RABGAP1L: variants seen among roughly 807,000 people sequenced by gnomAD.
The protein encoded by RABGAP1L is rab GTPase-activating protein 1-like.
RABGAP1L carries 63 observed loss-of-function variants against 137.7 expected under a neutral mutation model. The observed-to-expected ratio is 0.46, with a 90% CI of 0.37 to 0.56. The LOEUF (loss-of-function observed/expected upper bound fraction) is 0.56. Ranked by LOEUF, RABGAP1L falls within the 20% of genes least tolerant of loss-of-function variation. The pLI, the probability that RABGAP1L is intolerant of heterozygous loss-of-function variation, is 0.00. For missense variants in RABGAP1L, 1,095 were observed against 1,244.0 expected (o/e 0.88, Z 1.80); for synonymous variants, 431 against 433.7 (o/e 0.99, Z 0.08).
chr1:174,634,466 G>GAT (rs1673753305), intron 13 of RABGAP1L, among the ~76,000 whole-genome samples: 1 of 135,478 alleles, frequency 7.4e-6, no homozygotes, highest in Non-Finnish European at 1.6e-5. Context: ...CATTGTGGAA[G>GAT]TCAGTGTGGC....
At chr1:174,194,490 T>A (rs1667430278) in intron 1 of RABGAP1L, among the ~76,000 whole-genome samples, 1 of 152,100 alleles carries the variant, frequency 6.6e-6, no homozygotes, top group Non-Finnish European at 1.5e-5. Context: ...CACCTCAGCC[T>A]CCCAAAGTGC....
chr1:174,531,338 T>C (rs924667663), intron 13 of RABGAP1L, among the ~76,000 whole-genome samples: 1 of 152,196 alleles, frequency 6.6e-6, no homozygotes, highest in African/African-American at 2.4e-5. Flanking sequence ...GTTTTGCTTA[T>C]TGTGTATTAT....
chr1:174,384,527 GAAAAA>G (rs35902523), intron 12 of RABGAP1L, among the ~76,000 whole-genome samples: 1 of 149,672 alleles, frequency 6.7e-6, no homozygotes, highest in Non-Finnish European at 1.5e-5. Context: ...GGAAAAAAAG[GAAAAA>G]AAAAAAGAAA....
At chr1:174,679,010 C>G (rs938872406) in intron 14 of RABGAP1L, among the ~76,000 whole-genome samples, 7 of 152,128 alleles carry the variant, frequency 4.6e-5, no homozygotes, top group African/African-American at 1.7e-4. Flanking sequence ...TGTGCAGTTG[C>G]AAGATTTAAG....
chr1:174,470,741 T>G (rs1657822284), intron 13 of RABGAP1L, among the ~76,000 whole-genome samples: 1 of 151,914 alleles, frequency 6.6e-6, no homozygotes, highest in Admixed American at 6.6e-5. Context: ...CACTCCAGCC[T>G]GGGTGGACAG....
chr1:174,472,612 G>A (rs1377148903), intron 13 of RABGAP1L, among the ~76,000 whole-genome samples: 3 of 152,192 alleles, frequency 2.0e-5, no homozygotes. Flanking sequence ...AGTTGCACAG[G>A]ATGAGCTTAA....
intron 13 of RABGAP1L, among the ~76,000 whole-genome samples, chr1:174,541,472 C>G (rs1187321552): frequency 1.3e-5 from 2 of 152,032 alleles, no homozygotes; most frequent in Non-Finnish European, 2.9e-5. Context: ...CCCATCAATA[C>G]CTAGTTTATT....
intron 13 of RABGAP1L, among the ~76,000 whole-genome samples, chr1:174,558,021 G>A (rs1666988184): frequency 6.6e-6 from 1 of 152,222 alleles, no homozygotes; most frequent in African/African-American, 2.4e-5. Context: ...TTACACTGCA[G>A]CCTTTTGCAG....
chr1:174,814,833 CAT>C (rs1264089404), intron 19 of RABGAP1L, among the ~76,000 whole-genome samples: 1 of 152,030 alleles, frequency 6.6e-6, no homozygotes, highest in African/African-American at 2.4e-5. Flanking sequence ...GGACTACAGT[CAT>C]GTGCCACCAC....
chr1:174,795,948 G>A (rs1688209556), intron 18 of RABGAP1L, among the ~76,000 whole-genome samples: 1 of 152,142 alleles, frequency 6.6e-6, no homozygotes, highest in South Asian at 2.1e-4. Context: ...CATACTACAT[G>A]TGTTAATAAA....
chr1:174,417,529 G>A (rs1398119618), intron 13 of RABGAP1L, among the ~76,000 whole-genome samples: 1 of 152,178 alleles, frequency 6.6e-6, no homozygotes, highest in Non-Finnish European at 1.5e-5. Context: ...GCATCTAATG[G>A]AAACAAGACA....
chr1:174,543,340 A>G (rs1398183242), intron 13 of RABGAP1L, among the ~76,000 whole-genome samples: 13 of 133,708 alleles, frequency 9.7e-5, no homozygotes, highest in Non-Finnish European at 1.7e-4. Context: ...TCCCTTCACC[A>G]TTATGTAATG....
At chr1:174,449,908 C>A (rs1655238049) in intron 13 of RABGAP1L, among the ~76,000 whole-genome samples, 1 of 151,856 alleles carries the variant, frequency 6.6e-6, no homozygotes, top group East Asian at 1.9e-4. Context: ...CTCTCTTTTT[C>A]TTGATCTGCA....
chr1:174,781,705 A>C (rs540732891), intron 18 of RABGAP1L, among the ~76,000 whole-genome samples: 1 of 152,180 alleles, frequency 6.6e-6, no homozygotes, highest in Admixed American at 6.5e-5. Flanking sequence ...TTTAGGTCTA[A>C]TATTTAAGTC....
intron 19 of RABGAP1L, among the ~76,000 whole-genome samples, chr1:174,856,603 C>T (rs1655222016): frequency 6.6e-5 from 10 of 151,900 alleles, no homozygotes; most frequent in Admixed American, 6.6e-4. Context: ...ATACCTTTTA[C>T]TTTGCTATTT....
chr1:174,616,466 G>T (rs1425577068), intron 13 of RABGAP1L, among the ~76,000 whole-genome samples: 1 of 152,146 alleles, frequency 6.6e-6, no homozygotes, highest in Non-Finnish European at 1.5e-5. Context: ...TTTACCTAGT[G>T]CCTACTAAAG....
At chr1:174,871,301 T>C (rs1652156505) in intron 19 of RABGAP1L, among the ~76,000 whole-genome samples, 1 of 152,046 alleles carries the variant, frequency 6.6e-6, no homozygotes, top group African/African-American at 2.4e-5. Flanking sequence ...GCCTAGATAA[T>C]TTTTATACTT....
chr1:174,884,867 A>C (rs1654816738), intron 19 of RABGAP1L, among the ~76,000 whole-genome samples: 1 of 152,234 alleles, frequency 6.6e-6, no homozygotes, highest in Non-Finnish European at 1.5e-5. Flanking sequence ...GCTACACAGC[A>C]TCCAGATTTA....
intron 13 of RABGAP1L, among the ~76,000 whole-genome samples, chr1:174,626,230 A>C (rs1348174186): frequency 3.3e-5 from 5 of 152,198 alleles, no homozygotes. Context: ...TGTTTGTGGT[A>C]GACAGTCATC....
Sources: gnomAD v4.1 joint callset for allele counts (sites outside exome capture counted in the v4.1 genomes callset) on GRCh38, gnomAD v4.1.1 for gene constraint, MANE v1.5 for transcripts, NCBI Gene and HGNC (gene_info 2026-07-23, HGNC 2026-07-21) for gene names.